The following GPC1 variants were observed in gnomAD, a reference collection of about 807,000 sequenced individuals.
GPC1 encodes glypican-1.
Under a neutral mutation model 51.5 loss-of-function variants are expected in GPC1, and 26 were observed. The ratio of observed to expected loss-of-function variants is 0.50; its 90% CI spans 0.37 to 0.70. GPC1 has a LOEUF of 0.70. Ranked by LOEUF, GPC1 falls within the 30% of genes least tolerant of loss-of-function variation. The probability of loss-of-function intolerance (pLI) is 0.00; values close to 1 mark genes in which losing one functional copy is unlikely to be tolerated. For synonymous variants in GPC1, 380 were observed against 348.3 expected (o/e 1.09, Z -1.01); for missense variants, 775 against 800.5 (o/e 0.97, Z 0.38).
chr2:240,435,948 G>A lies in GPC1; in HGVS notation c.30G>A (p.Leu10=). 7.7e-7 allele frequency: 1 copy of A among 1,296,094 alleles called. No homozygotes were observed. Among genetic ancestry groups the A allele is most frequent in the Non-Finnish European group, 9.8e-7 (1 of 1,022,286 alleles). The allele number at this position is 1,296,094 out of a possible 1,614,324, so 80.3% of individuals were successfully genotyped here. MELRARGWW[L]LCAAAALVAC... ...AGCTCCGGGCCCGAGGCTGGTGGCT[G>A]CTATGTGCGGCCGCAGCGCTGGTCG... The change falls in exon 1 of 9, where the codon CTG becomes CTA. Residue 10 remains leucine, a synonymous_variant. Transcript: ENST00000264039.
chr2:240,457,128 C>T (rs2074172760), intron 1 of GPC1, among the ~76,000 whole-genome samples: 1 of 152,176 alleles, frequency 6.6e-6, no homozygotes, highest in Non-Finnish European at 1.5e-5. Flanking sequence ...ATCCCTGGAC[C>T]TGCAGCCCCT....
chr2:240,462,507 C>T lies in GPC1; in HGVS notation c.642C>T (p.Thr214=), dbSNP rs2151796412. 3 of 1,591,844 alleles carry T rather than the reference C, an allele frequency of 1.9e-6. No homozygotes were observed. Among genetic ancestry groups the T allele is most frequent in the Non-Finnish European group, 2.6e-6 (3 of 1,170,604 alleles). ...EAPRELRLRA[T]RAFVAARSFV... ...CGAGAGAGCTGCGCCTGCGGGCCAC[C>T]CGTGCCTTCGTGGCTGCTCGCTCCT... The change falls in exon 3 of 9, where the codon ACC becomes ACT. Residue 214 remains threonine (T), a synonymous_variant. Transcript: ENST00000264039.
rs767700600 is a variant in GPC1 at position 240,462,200 on chromosome 2, A to G, written c.335A>G (p.Gln112Arg). 4 of 1,594,970 alleles carry G rather than the reference A, an allele frequency of 2.5e-6. No individual in the cohort carries two copies. The highest frequency in any genetic ancestry group is 2.6e-6 in the Non-Finnish European group (3 of 1,168,346). The change falls in exon 3 of 9, where the codon CAG (glutamine) becomes CGG (arginine). Residue 112 changes from glutamine (Q) to arginine (R), a missense_variant. Transcript: ENST00000264039. ...TQLRSFDDHF[Q>R]HLLNDSERTL... ...CCCTCCCTGTGCGCAGACCACTTCC[A>G]GCACCTGCTGAACGACTCGGAGCGG...
intron 1 of GPC1, 36 bp downstream of exon 1, chr2:240,436,120 G>C (rs1234257314): frequency 8.1e-7 from 1 of 1,237,684 alleles, no homozygotes; most frequent in Admixed American, 3.9e-5. Context: ...CCCGGGCCTG[G>C]CCGGGCTTTG....
Position 240,448,351 on chromosome 2 carries a change from C to T in GPC1, c.167-10679C>T, listed in dbSNP as rs538794817. Among the ~76,000 whole-genome samples the T allele has an allele frequency of 2.9e-5, 4 of 136,508 alleles. No homozygotes were observed. Among genetic ancestry groups the T allele is most frequent in the African/African-American group, 1.0e-4 (4 of 39,336 alleles). The allele number at this position is 136,508 out of a possible 152,430, so 89.6% of individuals were successfully genotyped here. A position where few individuals can be genotyped will look rare whatever the true frequency, so the allele number is the denominator to read the frequency against. ...GCCATCTCATGGGATCCTGGCATCCCTCTGTCTGCCAGGCAGTCCGGGTGT... is the reference window on the plus strand; with the variant it reads ...GCCATCTCATGGGATCCTGGCATCCTTCTGTCTGCCAGGCAGTCCGGGTGT... On this transcript the variant is annotated intron_variant, in intron 1 of 8. Transcript: ENST00000264039. The surrounding 1 kb of genome is among the most constrained non-coding windows in gnomAD (Gnocchi z 4.5).
chr2:240,466,403 C>A lies in GPC1; in HGVS notation c.*113C>A, dbSNP rs544473004. 28 of 659,794 alleles carry A rather than the reference C, an allele frequency of 4.2e-5. No homozygotes were observed. In the East Asian group the frequency reaches 7.7e-4, roughly 18 times the overall value. 40.9% of individuals were successfully genotyped at this position (659,794 alleles called of 1,614,324 possible). A position where few individuals can be genotyped will look rare whatever the true frequency, so the allele number is the denominator to read the frequency against. ...AGGCCTGGGGTGGGACAGGGAGGGC[C>A]GGCGGCTCTGAGCAGGGGCAGGCGC... On this transcript the variant is annotated 3_prime_UTR_variant, in exon 9 of 9. Transcript: ENST00000264039.
At chr2:240,447,474 C>T (rs1476511850) in intron 1 of GPC1, among the ~76,000 whole-genome samples, 1 of 152,220 alleles carries the variant, frequency 6.6e-6, no homozygotes, top group Non-Finnish European at 1.5e-5. Flanking sequence ...TAGGTGTGCA[C>T]ACACTGCCTG....
chr2:240,437,052 C>T (rs2073988892), intron 1 of GPC1, among the ~76,000 whole-genome samples: 1 of 152,236 alleles, frequency 6.6e-6, no homozygotes, highest in Non-Finnish European at 1.5e-5. Context: ...GTCTGTACCG[C>T]GTGCCAGGGA....
Position 240,435,782 on chromosome 2 carries a change from G to GGCC in GPC1, c.-127_-125dup, listed in dbSNP as rs1002368862. On this transcript the variant is annotated 5_prime_UTR_variant, in exon 1 of 9. Coordinates refer to ENST00000264039, the MANE Select transcript of GPC1 (RefSeq NM_002081.3). ...CGGCTTTTGTTGTCTCCGCCTCCTC[G>GGCC]GCCGCCGCCGCCTCTGGACCGCGAG... 3.2e-4 allele frequency: 157 copies of GGCC among 488,274 alleles called. 1 individual carries two copies. The highest frequency in any genetic ancestry group is 4.3e-4 in the Non-Finnish European group (140 of 325,982). 30.2% of individuals were successfully genotyped at this position (488,274 alleles called of 1,614,324 possible).
chr2:240,465,002 A>G lies in GPC1; in HGVS notation c.1134+27A>G, dbSNP rs1007406323. On this transcript the variant is annotated intron_variant, in intron 6 of 8. Transcript: ENST00000264039. ...TGAGTGGCCCCTGCGTGTCCACTGG[A>G]CCAGGCATGAGGGAGGCAGACAGGC... The G allele has an allele frequency of 3.2e-6, 5 of 1,567,658 alleles. No individual in the cohort carries two copies. In the African/African-American group the frequency reaches 6.8e-5, roughly 21 times the overall value.
At chr2:240,454,345 A>G (rs11892190) in intron 1 of GPC1, among the ~76,000 whole-genome samples, 41,858 of 152,086 alleles carry the variant, frequency 0.28, 6,369 homozygotes, top group African/African-American at 0.38. Flanking sequence ...TCGTTTGTCC[A>G]GTGCACCCTC....
chr2:240,459,129 T>C lies in GPC1; in HGVS notation c.266T>C (p.Leu89Pro), dbSNP rs1462904515. The C allele has an allele frequency of 1.2e-6, 2 of 1,612,638 alleles. No homozygotes were observed. The highest frequency in any genetic ancestry group is 1.7e-5 in the Admixed American group (1 of 60,004). ...AGCCATGCCGAGCTGGAGACCGCGC[T>C]CCGGGACAGCAGCCGCGTCCTGCAG... Reference protein sequence around the residue: ...NRSHAELETALRDSSRVLQAM... With the variant: ...NRSHAELETAPRDSSRVLQAM... The change falls in exon 2 of 9, where the codon CTC becomes CCC. Residue 89 changes from leucine (L) to proline (P), a missense_variant. Transcript: ENST00000264039.
At chr2:240,457,157 C>G (rs141676551) in intron 1 of GPC1, among the ~76,000 whole-genome samples, 1 of 152,164 alleles carries the variant, frequency 6.6e-6, no homozygotes, top group Non-Finnish European at 1.5e-5. Flanking sequence ...CTCCCTCCCC[C>G]TCTAGCTCAA....
At chr2:240,451,409 A>C in intron 1 of GPC1, 1 of 379,130 alleles carries the variant, frequency 2.6e-6, no homozygotes, top group Non-Finnish European at 5.5e-6. Context: ...CAGTGGGTGT[A>C]CGGGAAGCTA....
chr2:240,456,776 G>T (rs1352006711), intron 1 of GPC1: 8 of 368,376 alleles, frequency 2.2e-5, no homozygotes, highest in Non-Finnish European at 2.3e-5. Flanking sequence ...CACGGGGGTG[G>T]GACTGGGGCA....
rs745797937 is a variant in GPC1 at position 240,465,638 on chromosome 2, C to G, written c.1434C>G (p.Phe478Leu). 1.4e-5 allele frequency: 23 copies of G among 1,612,608 alleles called. No homozygotes were observed. Among genetic ancestry groups the G allele is most frequent in the Non-Finnish European group, 1.9e-5 (22 of 1,179,888 alleles). ...CCTACAACGGCAACGACGTGGACTT[C>G]CAGGACGCCAGTGAGGGCAGGGCCT... ...RSAYNGNDVD[F>L]QDASDDGSGS... Residue 478 changes from phenylalanine to leucine, a missense_variant, in exon 8 of 9, where the codon TTC becomes TTG. Phe to Leu is a conservative substitution (Grantham distance 22, BLOSUM62 0). Transcript: ENST00000264039.
chr2:240,451,666 G>C (rs1019208171), intron 1 of GPC1: 2 of 215,654 alleles, frequency 9.3e-6, no homozygotes, highest in Non-Finnish European at 9.3e-6. Flanking sequence ...CAGGAGGTTC[G>C]TGACACAAAT....
At chr2:240,457,597 C>T in intron 1 of GPC1, 1 of 400,812 alleles carries the variant, frequency 2.5e-6, no homozygotes, top group South Asian at 1.8e-5. Context: ...TGCTCCAGGC[C>T]CTGCCTGCAG....
At chr2:240,454,534 G>A (rs2074137933) in intron 1 of GPC1, among the ~76,000 whole-genome samples, 2 of 152,278 alleles carry the variant, frequency 1.3e-5, no homozygotes, top group Non-Finnish European at 2.9e-5. Flanking sequence ...GAGCTGAGTA[G>A]AGGGCAGGAG....
Sources: gnomAD v4.1 joint callset for allele counts (sites outside exome capture counted in the v4.1 genomes callset) on GRCh38, gnomAD v4.1.1 for gene constraint, Gnocchi (gnomAD v3.1) non-coding constraint, MANE v1.5 for transcripts, NCBI Gene and HGNC (gene_info 2026-07-23, HGNC 2026-07-21) for gene names.